The following LRRC4C variants were observed in gnomAD, a reference collection of about 807,000 sequenced individuals.
LRRC4C encodes leucine-rich repeat-containing protein 4C.
Under a neutral mutation model 33.6 loss-of-function variants are expected in LRRC4C, and 5 were observed. That is an observed-to-expected ratio of 0.15 (90% CI 0.08 to 0.31). LRRC4C has a LOEUF of 0.31. Among genes scored for constraint, LRRC4C ranks in the 10% least tolerant of loss-of-function variants. The pLI, the probability that LRRC4C is intolerant of heterozygous loss-of-function variation, is 1.00. For synonymous variants in LRRC4C, 329 were observed against 302.0 expected (o/e 1.09, Z -0.93); for missense variants, 560 against 796.7 (o/e 0.70, Z 3.58).
chr11:41,457,946 T>G (rs1320169739), intron 1 of LRRC4C, among the ~76,000 whole-genome samples: 1 of 151,962 alleles, frequency 6.6e-6, no homozygotes, highest in Non-Finnish European at 1.5e-5. Flanking sequence ...CTTCTTTAAG[T>G]TTTTTGTTTG....
At chr11:41,284,929 C>T (rs1949777451) in intron 1 of LRRC4C, among the ~76,000 whole-genome samples, 1 of 152,310 alleles carries the variant, frequency 6.6e-6, no homozygotes, top group African/African-American at 2.4e-5. Context: ...AATTCTGTCA[C>T]AATGAGTCCA....
At chr11:40,527,471 T>A (rs1490846936) in intron 3 of LRRC4C, among the ~76,000 whole-genome samples, 4 of 152,028 alleles carry the variant, frequency 2.6e-5, no homozygotes, top group Non-Finnish European at 4.4e-5. Flanking sequence ...ATGGGCAAAA[T>A]AAGGATATTT....
intron 1 of LRRC4C, among the ~76,000 whole-genome samples, chr11:41,438,272 A>G (rs1256640152): frequency 1.3e-5 from 2 of 151,980 alleles, no homozygotes; most frequent in Non-Finnish European, 2.9e-5. Context: ...TAGTAAATCT[A>G]TTATTGTTCA....
intron 1 of LRRC4C, among the ~76,000 whole-genome samples, chr11:41,082,027 C>T (rs1939611215): frequency 6.6e-6 from 1 of 152,036 alleles, no homozygotes; most frequent in Non-Finnish European, 1.5e-5. Context: ...AGCCTTTGAA[C>T]CCAAGGGCCA....
chr11:41,436,264 A>C (rs1031719079), intron 1 of LRRC4C, among the ~76,000 whole-genome samples: 1 of 152,244 alleles, frequency 6.6e-6, no homozygotes, highest in African/African-American at 2.4e-5. Context: ...ATACATAGTA[A>C]TTAGTAATAC....
intron 1 of LRRC4C, among the ~76,000 whole-genome samples, chr11:41,011,694 T>G (rs573162101): frequency 1.7e-3 from 256 of 151,864 alleles, no homozygotes; most frequent in African/African-American, 6.0e-3. Context: ...AAGTAATGGT[T>G]ATGGAGTCAC....
chr11:40,817,477 G>C (rs1951753849), intron 2 of LRRC4C, among the ~76,000 whole-genome samples: 1 of 152,170 alleles, frequency 6.6e-6, no homozygotes, highest in Admixed American at 6.6e-5. Flanking sequence ...GCAAGACATA[G>C]TCCACCTGTC....
At chr11:41,442,066 T>G (rs577363817) in intron 1 of LRRC4C, among the ~76,000 whole-genome samples, 1 of 152,344 alleles carries the variant, frequency 6.6e-6, no homozygotes, top group African/African-American at 2.4e-5. Context: ...GGTCATAAAT[T>G]TTTGAAGCTG....
At chr11:41,131,596 G>T (rs1199588124) in intron 1 of LRRC4C, among the ~76,000 whole-genome samples, 2 of 152,058 alleles carry the variant, frequency 1.3e-5, no homozygotes, top group South Asian at 4.1e-4. Flanking sequence ...ACCACATCTT[G>T]AATAGGTACT....
intron 1 of LRRC4C, among the ~76,000 whole-genome samples, chr11:41,182,388 C>A (rs991745778): frequency 3.3e-5 from 5 of 152,078 alleles, no homozygotes; most frequent in Non-Finnish European, 7.4e-5. Flanking sequence ...CATATGAAAA[C>A]TACCAATTTA....
chr11:41,234,195 G>A (rs1486915058), intron 1 of LRRC4C, among the ~76,000 whole-genome samples: 1 of 151,882 alleles, frequency 6.6e-6, no homozygotes, highest in Non-Finnish European at 1.5e-5. Context: ...AGTCTGTTCA[G>A]TGCTAAAGAA....
chr11:40,303,167 G>A (rs1441034797), intron 4 of LRRC4C, among the ~76,000 whole-genome samples: 1 of 152,154 alleles, frequency 6.6e-6, no homozygotes, highest in Non-Finnish European at 1.5e-5. Flanking sequence ...CGGAAAACCA[G>A]AGAGAAATTG....
Position 41,222,163 on chromosome 11 carries a change from T to C in LRRC4C, c.-496+237268A>G, listed in dbSNP as rs1947336438. 3.9e-5 allele frequency among the ~76,000 whole-genome samples: 6 copies of C among 152,328 alleles called. No individual in the cohort carries two copies. In the South Asian group the frequency reaches 1.2e-3, roughly 32 times the overall value. ...AATAGCAAAAGTAGGTACTGTAGAT[T>C]ACGATTCTACTTGAAATGTACATAT... is the stretch of plus-strand genomic sequence containing the variant. On this transcript the variant is annotated intron_variant, in intron 1 of 6. Coordinates refer to ENST00000528697, the MANE Select transcript of LRRC4C (RefSeq NM_001258419.2).
At chr11:41,375,869 A>G (rs1952918337) in intron 1 of LRRC4C, among the ~76,000 whole-genome samples, 1 of 152,096 alleles carries the variant, frequency 6.6e-6, no homozygotes, top group Non-Finnish European at 1.5e-5. Flanking sequence ...CTAAATTTAT[A>G]TTAATATTCA....
intron 1 of LRRC4C, among the ~76,000 whole-genome samples, chr11:40,942,299 A>G (rs935027775): frequency 6.6e-6 from 1 of 152,204 alleles, no homozygotes; most frequent in Admixed American, 6.6e-5. Flanking sequence ...AGCAGCTTCT[A>G]GGACTATCAG....
intron 1 of LRRC4C, among the ~76,000 whole-genome samples, chr11:41,101,789 A>C (rs1941202495): frequency 6.6e-6 from 1 of 152,108 alleles, no homozygotes; most frequent in African/African-American, 2.4e-5. Context: ...AATGTGGTAC[A>C]TATACATCAC....
intron 2 of LRRC4C, among the ~76,000 whole-genome samples, chr11:40,919,872 T>TA (rs547438703): frequency 6.6e-6 from 1 of 151,998 alleles, no homozygotes; most frequent in Non-Finnish European, 1.5e-5. Context: ...TTGCAAGGCA[T>TA]AAAAAAACAG....
At chr11:40,205,305 T>A (rs1225924002) in intron 5 of LRRC4C, among the ~76,000 whole-genome samples, 1 of 152,194 alleles carries the variant, frequency 6.6e-6, no homozygotes. Flanking sequence ...TCAGAATGAA[T>A]TACAAATGCA....
At chr11:40,911,962 T>C (rs565066463) in intron 2 of LRRC4C, among the ~76,000 whole-genome samples, 4 of 152,054 alleles carry the variant, frequency 2.6e-5, no homozygotes, top group Admixed American at 1.3e-4. Flanking sequence ...GAAGATCAAA[T>C]GAATGAAATG....
Sources: allele counts gnomAD v4.1 joint callset (sites outside exome capture counted in the v4.1 genomes callset), GRCh38; gene constraint gnomAD v4.1.1; transcripts MANE v1.5; gene names NCBI Gene and HGNC (gene_info 2026-07-23, HGNC 2026-07-21).